The following MICAL1 variants were observed in gnomAD, a reference collection of about 807,000 sequenced individuals.
MICAL1 encodes the protein microtubule associated monooxygenase, calponin and LIM domain containing 1, also known as [F-actin]-monooxygenase MICAL1.
A neutral mutation model predicts 131.8 loss-of-function variants in MICAL1; 95 were observed. The ratio of observed to expected loss-of-function variants is 0.72; its 90% CI spans 0.61 to 0.86. The LOEUF is 0.86. Among genes scored for constraint, MICAL1 ranks in the 40% least tolerant of loss-of-function variants. The pLI is 0.00. For missense variants in MICAL1, 1,292 were observed against 1,380.6 expected (o/e 0.94, Z 1.02); for synonymous variants, 546 against 554.2 (o/e 0.99, Z 0.21).
intron 10 of MICAL1, 54 bp downstream of exon 10, chr6:109,449,603 C>A (rs1775421958): frequency 2.6e-5 from 41 of 1,597,492 alleles, no homozygotes; most frequent in Non-Finnish European, 3.5e-5. Context: ...GAGGGCCTGA[C>A]CTGGGGGAAG....
chr6:109,445,742 GTTT>G, intron 20 of MICAL1, 26 bp downstream of exon 20: 1 of 1,598,632 alleles, frequency 6.3e-7, no homozygotes, highest in Non-Finnish European at 8.5e-7. Context: ...GCTGGAGAGC[GTTT>G]TGTGGCTGCA....
intron 1 of MICAL1, among the ~76,000 whole-genome samples, chr6:109,461,713 A>G (rs751927208): frequency 1.3e-5 from 2 of 150,286 alleles, no homozygotes; most frequent in Non-Finnish European, 2.9e-5. Context: ...TAAGAACTTA[A>G]TAAGTGGGAA....
intron 17 of MICAL1, 73 bp downstream of exon 17, chr6:109,447,000 C>T: frequency 3.2e-6 from 5 of 1,557,118 alleles, no homozygotes; most frequent in Non-Finnish European, 4.4e-6. Context: ...CTGTGCCTCT[C>T]TACCTCAAGC....
At chr6:109,457,594 G>T (rs1006990506), upstream of MICAL1, among the ~76,000 whole-genome samples, 16 of 152,162 alleles carry the variant, frequency 1.1e-4, no homozygotes, top group African/African-American at 3.6e-4. Flanking sequence ...CTGGCTTCTA[G>T]AATAATCTCA....
chr6:109,464,173 C>T (rs557556303), intron 1 of MICAL1: 18 of 152,246 alleles, frequency 1.2e-4, no homozygotes, highest in African/African-American at 4.3e-4. Context: ...GTTATCTTTG[C>T]TCTAGTCAGG....
intron 20 of MICAL1, 47 bp downstream of exon 20, chr6:109,445,724 T>C: frequency 6.3e-7 from 1 of 1,583,234 alleles, no homozygotes; most frequent in Admixed American, 1.8e-5. Context: ...AGGTTTCTCC[T>C]GTAGTGGGCT....
intron 1 of MICAL1, among the ~76,000 whole-genome samples, chr6:109,461,949 C>T (rs988955067): frequency 6.6e-6 from 1 of 152,128 alleles, no homozygotes; most frequent in Non-Finnish European, 1.5e-5. Context: ...ACTCACCTCA[C>T]CAGAATGTCA....
At chr6:109,464,335 C>G (rs1272547091) in intron 1 of MICAL1, 1 of 152,082 alleles carries the variant, frequency 6.6e-6, no homozygotes, top group Non-Finnish European at 1.5e-5. Flanking sequence ...TTACTCTAAC[C>G]TCCAAATAAC....
chr6:109,456,320 G>A (rs1301464043), upstream of MICAL1, among the ~76,000 whole-genome samples: 1 of 152,220 alleles, frequency 6.6e-6, no homozygotes, highest in African/African-American at 2.4e-5. Context: ...GAACGTCTGC[G>A]CTCTCCTCCG....
rs1775343104 is a variant in MICAL1, at chr6:109,448,353, T to C, written c.1705A>G (p.Thr569Ala). The stretch of plus-strand genomic sequence containing the variant: ...TCTGCCACCTTTAGTGCCCAAGCAG[T>C]TGCTTCCAGAGCTCCCAGCCCCTGC... Reference protein sequence around the residue: ...ELQGLGALEATAWALKVAENE... With the variant: ...ELQGLGALEAAAWALKVAENE... The change falls in exon 13 of 25, where the codon ACT becomes GCT. Residue 569 changes from threonine to alanine, a missense_variant. Transcript: ENST00000358807. 3.7e-6 allele frequency: 6 copies of C among 1,613,814 alleles called. No homozygotes were observed. The highest frequency in any genetic ancestry group is 5.1e-6 in the Non-Finnish European group (6 of 1,180,000).
intron 18 of MICAL1, 133 bp from the exon 19 acceptor site, chr6:109,446,545 C>T (rs1317063561): frequency 7.2e-7 from 1 of 1,381,876 alleles, no homozygotes; most frequent in Non-Finnish European, 1.0e-6. Flanking sequence ...CTTGAGAGAA[C>T]AAGAAGTGTA....
intron 1 of MICAL1, chr6:109,462,691 G>C (rs1775917209): frequency 6.6e-6 from 1 of 152,184 alleles, no homozygotes; most frequent in Non-Finnish European, 1.5e-5. Context: ...GTTTCAAGAA[G>C]CACTGGGCAA....
upstream of MICAL1, among the ~76,000 whole-genome samples, chr6:109,459,041 C>G (rs1190052916): frequency 6.6e-6 from 1 of 152,142 alleles, no homozygotes; most frequent in Non-Finnish European, 1.5e-5. Context: ...AACCACCTGC[C>G]ACAAAGCCTT....
In MICAL1 at chr6:109,448,412, A is replaced by G; in HGVS notation, c.1665-19T>C. ...GGGTTCCCTGTGGGATGTCAGGGAG[A>G]AAAGCCAACTAGAGACAAGAACCTA... On this transcript the variant is annotated intron_variant, in intron 12 of 24. Coordinates refer to ENST00000358807, the MANE Select transcript of MICAL1 (RefSeq NM_022765.4). 1 of 1,611,452 alleles carries G rather than the reference A, an allele frequency of 6.2e-7. No homozygotes were observed. The highest frequency in any genetic ancestry group is 1.3e-5 in the African/African-American group (1 of 74,996).
At chr6:109,457,852 TTAAA>T (rs1475029042), upstream of MICAL1, among the ~76,000 whole-genome samples, 1 of 152,230 alleles carries the variant, frequency 6.6e-6, no homozygotes, top group Non-Finnish European at 1.5e-5. Context: ...CTTATGCTAA[TTAAA>T]TACTTAACAT....
At chr6:109,451,763 A>G in intron 6 of MICAL1, 63 bp from the exon 7 acceptor site, 1 of 1,594,902 alleles carries the variant, frequency 6.3e-7, no homozygotes, top group Non-Finnish European at 8.6e-7. Context: ...TTCCCTAAAC[A>G]TCCCAACATG....
At chr6:109,445,082 G>C (rs549594830) in intron 22 of MICAL1, 87 bp from the exon 23 acceptor site, 2 of 1,566,238 alleles carry the variant, frequency 1.3e-6, no homozygotes, top group Non-Finnish European at 1.7e-6. Context: ...CAGGAGAGCC[G>C]GGTGTCACAG....
rs923215961 is a variant in MICAL1 at position 109,465,425 on chromosome 6, A to T, written c.14+239T>A. 10 of 550,492 alleles carry T rather than the reference A, an allele frequency of 1.8e-5. No individual in the cohort carries two copies. The East Asian group carries it at 3.0e-4, about 16-fold the overall frequency. The allele number at this position is 550,492 out of a possible 1,614,324, so 34.1% of individuals were successfully genotyped here. A position where few individuals can be genotyped will look rare whatever the true frequency, so the allele number is the denominator to read the frequency against. On this transcript the variant is annotated intron_variant, in intron 1 of 24. Transcript: ENST00000630715. ...ACAACTGTGTTGCCTAAGAAAAATA[A>T]GAAAATAGAACAAACCATTCTGCCC...
rs923446458 is a variant in MICAL1 at position 109,446,869 on chromosome 6, A to G, written c.2228-97T>C. 8 of 1,340,180 alleles carry G rather than the reference A, an allele frequency of 6.0e-6. No individual in the cohort carries two copies. In the African/African-American group the frequency reaches 1.0e-4, roughly 17 times the overall value. 83.0% of individuals were successfully genotyped at this position (1,340,180 alleles called of 1,614,324 possible). ...AAGGAAGGTGGGGAAAACAAGACAG[A>G]TTTGCAGGTGAATTTCTGCCAGCCT... is the stretch of plus-strand genomic sequence containing the variant. On this transcript the variant is annotated intron_variant, in intron 17 of 24. Transcript: ENST00000358807.
Sources: gnomAD v4.1 joint callset for allele counts (sites outside exome capture counted in the v4.1 genomes callset) on GRCh38, gnomAD v4.1.1 for gene constraint, MANE v1.5 for transcripts, NCBI Gene and HGNC (gene_info 2026-07-23, HGNC 2026-07-21) for gene names.